KNDC1: variants seen among roughly 807,000 people sequenced by gnomAD.
The protein encoded by KNDC1 is kinase non-catalytic C-lobe domain containing 1, also known as kinase non-catalytic C-lobe domain-containing protein 1.
A neutral mutation model predicts 172.8 loss-of-function variants in KNDC1; 106 were observed. The ratio of observed to expected loss-of-function variants is 0.61; its 90% CI spans 0.52 to 0.72. KNDC1 has a LOEUF of 0.72. Ranked by LOEUF, KNDC1 falls within the 30% of genes least tolerant of loss-of-function variation. The pLI is 0.00. For missense variants in KNDC1, 2,325 were observed against 2,394.5 expected (o/e 0.97, Z 0.61); for synonymous variants, 1,083 against 1,062.2 (o/e 1.02, Z -0.38).
At chr10:133,202,380 G>C (rs1360608103) in intron 17 of KNDC1, 1 of 441,024 alleles carries the variant, frequency 2.3e-6, no homozygotes, top group Non-Finnish European at 4.5e-6. Flanking sequence ...CCTGGGTCAG[G>C]AGCAGCTGCA....
intron 3 of KNDC1, among the ~76,000 whole-genome samples, chr10:133,173,516 T>C (rs1275231637): frequency 1.3e-5 from 2 of 152,244 alleles, no homozygotes; most frequent in Non-Finnish European, 1.5e-5. Context: ...TCCACTGGGA[T>C]TTCTTCTTTA....
intron 3 of KNDC1, among the ~76,000 whole-genome samples, chr10:133,177,057 G>C (rs1178129110): frequency 3.9e-5 from 6 of 152,172 alleles, no homozygotes; most frequent in Non-Finnish European, 5.9e-5. Flanking sequence ...TCACCCAGCT[G>C]TGCACCAACC....
chr10:133,215,334 TGGACAGAGCTTCCCTTCCTATTA>T (rs1845450767), intron 26 of KNDC1, among the ~76,000 whole-genome samples: 3 of 152,204 alleles, frequency 2.0e-5, no homozygotes, highest in Non-Finnish European at 4.4e-5. Flanking sequence ...ACCTCCACGG[TGGACAGAGCTTCCCTTCCTATTA>T]TTCCTTCACA....
At chr10:133,217,370 C>T (rs978302216) in intron 26 of KNDC1, among the ~76,000 whole-genome samples, 1 of 152,234 alleles carries the variant, frequency 6.6e-6, no homozygotes, top group Non-Finnish European at 1.5e-5. Flanking sequence ...GGGCCGCAGT[C>T]GGGGTGAGCC....
intron 1 of KNDC1, among the ~76,000 whole-genome samples, chr10:133,162,095 A>G (rs1003644187): frequency 3.9e-5 from 6 of 152,140 alleles, no homozygotes; most frequent in Non-Finnish European, 8.8e-5. Flanking sequence ...CTCCAGGTGA[A>G]CTGTCATCCC....
intron 3 of KNDC1, among the ~76,000 whole-genome samples, chr10:133,180,213 C>T (rs995315851): frequency 3.3e-5 from 5 of 152,378 alleles, no homozygotes; most frequent in African/African-American, 9.6e-5. Flanking sequence ...GCGGGCAGCA[C>T]ACAGTTGTGT....
In KNDC1 at chr10:133,224,734, C is replaced by T. The variant is rs1845686323; in HGVS notation, c.5094C>T (p.Leu1698=). 6.2e-7 allele frequency: 1 copy of T among 1,613,992 alleles called. No individual in the cohort carries two copies. The highest frequency in any genetic ancestry group is 8.5e-7 in the Non-Finnish European group (1 of 1,180,022). ...ACACCTTCAGCCCCGACCCCAAGCT[C>T]CAGTCGTACCTCAAGCAGAGGATTG... ...NPYTFSPDPK[L]QSYLKQRIAR... is the part of the protein sequence containing the mutation. The change falls in exon 30 of 30, where the codon CTC becomes CTT. Residue 1698 remains leucine, a synonymous_variant. Transcript: ENST00000304613. The surrounding 1 kb of genome is among the most constrained non-coding windows in gnomAD (Gnocchi z 5.4).
chr10:133,213,091 C>T (rs991251675), intron 24 of KNDC1, among the ~76,000 whole-genome samples, 169 bp downstream of exon 24: 7 of 152,080 alleles, frequency 4.6e-5, no homozygotes, highest in East Asian at 1.9e-4. Flanking sequence ...CAGGTCCAGG[C>T]GGCTGCTGCC....
At chr10:133,169,824 C>T (rs771529202) in intron 3 of KNDC1, among the ~76,000 whole-genome samples, 8 of 152,362 alleles carry the variant, frequency 5.3e-5, no homozygotes, top group Admixed American at 3.9e-4. Flanking sequence ...TTTGTGCTTG[C>T]GTTCCTAGTC....
At chr10:133,204,248 C>A (rs1276260169) in intron 17 of KNDC1, among the ~76,000 whole-genome samples, 1 of 152,216 alleles carries the variant, frequency 6.6e-6, no homozygotes, top group Admixed American at 6.5e-5. Flanking sequence ...GTAGGTCCTT[C>A]CTTGATGATG....
Position 133,218,894 on chromosome 10 carries a change from T to C in KNDC1, c.4741T>C (p.Phe1581Leu). ...AAAATCTTGCTATGAGCAGAGAAACTTCGCGACAGCCATGCAGATCCTGAG... is the reference window on the plus strand; with the variant it reads ...AAAATCTTGCTATGAGCAGAGAAACCTCGCGACAGCCATGCAGATCCTGAG... Reference protein sequence around the residue: ...IAKSCYEQRNFATAMQILSGL... With the variant: ...IAKSCYEQRNLATAMQILSGL... The change falls in exon 27 of 30, where the codon TTC becomes CTC. Residue 1581 changes from phenylalanine to leucine, a missense_variant. Coordinates refer to ENST00000304613, the MANE Select transcript of KNDC1 (RefSeq NM_152643.8). 6.2e-7 allele frequency: 1 copy of C among 1,613,918 alleles called. No individual in the cohort carries two copies. Among genetic ancestry groups the C allele is most frequent in the Non-Finnish European group, 8.5e-7 (1 of 1,179,894 alleles).
intron 29 of KNDC1, among the ~76,000 whole-genome samples, chr10:133,222,111 A>G (rs67138405): frequency 0.68 from 60,284 of 88,440 alleles, 20,548 homozygotes; most frequent in Middle Eastern, 0.77. Context: ...GTGAAACCCC[A>G]TCTCTACTAA....
chr10:133,187,891 G>A (rs895183986), intron 6 of KNDC1, among the ~76,000 whole-genome samples: 2 of 17,928 alleles, frequency 1.1e-4, no homozygotes, highest in Non-Finnish European at 2.4e-4. Flanking sequence ...CCCCGAGCCC[G>A]CCCCCTGCAC....
chr10:133,217,802 C>T (rs530898432), intron 26 of KNDC1, among the ~76,000 whole-genome samples: 19 of 151,944 alleles, frequency 1.3e-4, no homozygotes, highest in African/African-American at 4.1e-4. Flanking sequence ...ACTAAAAATA[C>T]AAAAATTATC....
At chr10:133,164,495 GCAGA>G (rs552643782) in intron 1 of KNDC1, among the ~76,000 whole-genome samples, 181 of 152,348 alleles carry the variant, frequency 1.2e-3, no homozygotes, top group Admixed American at 9.1e-3. Context: ...GCGGCGCTGG[GCAGA>G]CAGACAGGCG....
At chr10:133,160,927 A>G (rs1195073751) in intron 1 of KNDC1, among the ~76,000 whole-genome samples, 1 of 151,406 alleles carries the variant, frequency 6.6e-6, no homozygotes, top group Non-Finnish European at 1.5e-5. Flanking sequence ...GCAGAGTCCA[A>G]TCAGGCGCCG....
At chr10:133,170,757 C>T (rs1317447013) in intron 3 of KNDC1, among the ~76,000 whole-genome samples, 1 of 152,232 alleles carries the variant, frequency 6.6e-6, no homozygotes, top group Non-Finnish European at 1.5e-5. Flanking sequence ...TCTTTCACGT[C>T]TGGGTTGTGG....
Position 133,167,585 on chromosome 10 carries a change from G to T in KNDC1, c.301+6G>T. ...TTTCATGGAGCAGCTCAGCGGTGAG[G>T]CGGCGGTGGCGGTGGCGGCGGCGGC... On this transcript the variant is annotated splice_donor_region_variant and intron_variant, in intron 2 of 29. Transcript: ENST00000304613. 1 of 1,574,712 alleles carries T rather than the reference G, an allele frequency of 6.4e-7. No individual in the cohort carries two copies. The highest frequency in any genetic ancestry group is 8.6e-7 in the Non-Finnish European group (1 of 1,160,520).
At chr10:133,187,707 G>A (rs1162557128) in intron 6 of KNDC1, among the ~76,000 whole-genome samples, 2 of 152,236 alleles carry the variant, frequency 1.3e-5, no homozygotes, top group Non-Finnish European at 2.9e-5. Context: ...GCCTTGGAGT[G>A]GAGAGTGGCC....
Sources: gnomAD v4.1 joint callset for allele counts (sites outside exome capture counted in the v4.1 genomes callset) on GRCh38, gnomAD v4.1.1 for gene constraint, Gnocchi (gnomAD v3.1) non-coding constraint, MANE v1.5 for transcripts, NCBI Gene and HGNC (gene_info 2026-07-23, HGNC 2026-07-21) for gene names.